SCHIP1: variants seen among roughly 807,000 people sequenced by gnomAD.
SCHIP1 encodes the protein schwannomin-interacting protein 1.
Under a neutral mutation model 29.7 loss-of-function variants are expected in SCHIP1, and 8 were observed. The observed-to-expected ratio is 0.27, with a 90% CI of 0.16 to 0.49. The LOEUF (loss-of-function observed/expected upper bound fraction) is 0.49, where lower values mean the gene tolerates loss of function less well. Ranked by LOEUF, SCHIP1 falls within the 20% of genes least tolerant of loss-of-function variation. SCHIP1 has a pLI of 0.99. For synonymous variants in SCHIP1, 76 were observed against 94.9 expected (o/e 0.80, Z 1.16); for missense variants, 193 against 294.6 (o/e 0.66, Z 2.52).
At chr3:159,447,794 G>A in the SCHIP1 span, among the ~76,000 whole-genome samples, 3 of 152,142 alleles carry the variant, frequency 2.0e-5, no homozygotes, top group Admixed American at 2.0e-4. Flanking sequence ...TTGTATAAAT[G>A]TGCAGTTTCC....
chr3:159,422,020 G>A, the SCHIP1 span, among the ~76,000 whole-genome samples: 2 of 152,288 alleles, frequency 1.3e-5, no homozygotes, highest in South Asian at 2.1e-4. Context: ...AAAGTGAATG[G>A]CATATATTTA....
At chr3:159,508,981 G>A in the SCHIP1 span, among the ~76,000 whole-genome samples, 1 of 152,176 alleles carries the variant, frequency 6.6e-6, no homozygotes, top group Non-Finnish European at 1.5e-5. Flanking sequence ...ATGTCTGTTA[G>A]GTCCACTTGG....
chr3:159,332,680 C>T, the SCHIP1 span, among the ~76,000 whole-genome samples: 1 of 151,964 alleles, frequency 6.6e-6, no homozygotes, highest in Admixed American at 6.6e-5. Flanking sequence ...GAATGAATAT[C>T]CATGGTTAGT....
At chr3:159,310,032 A>C in the SCHIP1 span, among the ~76,000 whole-genome samples, 3 of 152,336 alleles carry the variant, frequency 2.0e-5, no homozygotes, top group Non-Finnish European at 4.4e-5. Flanking sequence ...TCCAGGGTTC[A>C]GTGTAAGCTC....
the SCHIP1 span, among the ~76,000 whole-genome samples, chr3:159,591,907 C>T: frequency 6.7e-6 from 1 of 150,350 alleles, no homozygotes; most frequent in Non-Finnish European, 1.5e-5. Context: ...GCACTTTCTG[C>T]ACATGTATCC....
the SCHIP1 span, among the ~76,000 whole-genome samples, chr3:159,739,961 T>C: frequency 6.6e-6 from 1 of 152,254 alleles, no homozygotes; most frequent in Admixed American, 6.5e-5. Context: ...TACTTAGGCA[T>C]TAAAGCCTCA....
chr3:159,856,676 C>T lies in SCHIP1; in HGVS notation c.31-9487C>T, dbSNP rs545419256. Among the ~76,000 whole-genome samples the T allele has an allele frequency of 5.3e-5, 8 of 152,330 alleles. No individual in the cohort carries two copies. In the East Asian group the frequency reaches 1.4e-3, roughly 26 times the overall value. On this transcript the variant is annotated intron_variant, in intron 1 of 6. Coordinates refer to ENST00000445224, the Ensembl canonical transcript of SCHIP1. The stretch of plus-strand genomic sequence containing the variant: ...AGTGGGCCCAGGGCCGGGCCAGCCG[C>T]TCGCTTCGCTTTGTTCCTCAGGGGT...
chr3:159,866,528 T>C (rs1220624952), intron 2 of SCHIP1, among the ~76,000 whole-genome samples: 6 of 152,258 alleles, frequency 3.9e-5, no homozygotes, highest in African/African-American at 1.4e-4. Context: ...CCATTTTTTT[T>C]CTAGCCACAA....
chr3:159,696,547 T>G, the SCHIP1 span, among the ~76,000 whole-genome samples: 13 of 152,194 alleles, frequency 8.5e-5, no homozygotes, highest in African/African-American at 3.1e-4. Context: ...ACATATTTAT[T>G]TAGTCAGTTT....
the SCHIP1 span, among the ~76,000 whole-genome samples, chr3:159,371,834 T>C: frequency 6.6e-6 from 1 of 152,162 alleles, no homozygotes; most frequent in South Asian, 2.1e-4. Flanking sequence ...AAGAAAAAAG[T>C]CTGTACATGT....
chr3:159,517,020 A>G, the SCHIP1 span, among the ~76,000 whole-genome samples: 1 of 152,140 alleles, frequency 6.6e-6, no homozygotes, highest in African/African-American at 2.4e-5. Flanking sequence ...ATGCAAACTG[A>G]TGCTGACATG....
chr3:159,883,306 T>C (rs1716633135), intron 2 of SCHIP1, among the ~76,000 whole-genome samples: 1 of 152,184 alleles, frequency 6.6e-6, no homozygotes, highest in Non-Finnish European at 1.5e-5. Flanking sequence ...TTAGGCACCC[T>C]GCAGCCTGAA....
the SCHIP1 span, among the ~76,000 whole-genome samples, chr3:159,708,882 G>A: frequency 6.6e-6 from 1 of 152,180 alleles, no homozygotes; most frequent in Non-Finnish European, 1.5e-5. Context: ...CAAGGAATTG[G>A]AGTGGGGAGG....
the SCHIP1 span, among the ~76,000 whole-genome samples, chr3:159,324,598 G>T: frequency 6.6e-6 from 1 of 152,062 alleles, no homozygotes; most frequent in Non-Finnish European, 1.5e-5. Flanking sequence ...TAAGTCTCTG[G>T]AATTATTACC....
At chr3:159,855,317 A>G (rs937755461) in intron 1 of SCHIP1, among the ~76,000 whole-genome samples, 10 of 152,228 alleles carry the variant, frequency 6.6e-5, no homozygotes, top group African/African-American at 2.4e-4. Flanking sequence ...AAACAGGGCA[A>G]CATACACTTT....
At chr3:159,504,158 A>G in the SCHIP1 span, among the ~76,000 whole-genome samples, 2 of 152,234 alleles carry the variant, frequency 1.3e-5, no homozygotes, top group Non-Finnish European at 2.9e-5. Flanking sequence ...GAAAGATGAT[A>G]GGAGCCCAAA....
At chr3:159,396,816 G>A in the SCHIP1 span, among the ~76,000 whole-genome samples, 21 of 151,836 alleles carry the variant, frequency 1.4e-4, no homozygotes, top group Admixed American at 7.2e-4. Flanking sequence ...TGCTCTTCTC[G>A]AGGAGTATCT....
At chr3:159,300,393 A>G in the SCHIP1 span, among the ~76,000 whole-genome samples, 1 of 151,890 alleles carries the variant, frequency 6.6e-6, no homozygotes, top group Non-Finnish European at 1.5e-5. Flanking sequence ...TTTTTAACCA[A>G]CACTTCAATA....
chr3:159,569,957 T>A, the SCHIP1 span, among the ~76,000 whole-genome samples: 1 of 152,232 alleles, frequency 6.6e-6, no homozygotes, highest in Non-Finnish European at 1.5e-5. Context: ...GTTGGCAGCA[T>A]AGATGTCTTC....
Sources: gnomAD v4.1 joint callset for allele counts (sites outside exome capture counted in the v4.1 genomes callset) on GRCh38, gnomAD v4.1.1 for gene constraint, MANE v1.5 for transcripts, NCBI Gene and HGNC (gene_info 2026-07-23, HGNC 2026-07-21) for gene names.